Variants in PEX3 observed in about 807,000 individuals in gnomAD.
PEX3 encodes peroxin-3.
Under a neutral mutation model 55.8 loss-of-function variants are expected in PEX3, and 30 were observed. That is an observed-to-expected ratio of 0.54 (90% CI 0.40 to 0.73). PEX3 has a LOEUF of 0.73. PEX3 is among the 30% of genes least tolerant of loss of function. The pLI is 0.00. For missense variants in PEX3, 351 were observed against 432.8 expected (o/e 0.81, Z 1.68); for synonymous variants, 135 against 148.4 (o/e 0.91, Z 0.66).
chr6:143,470,686 A>G (rs534948507), intron 4 of PEX3, among the ~76,000 whole-genome samples: 2 of 152,244 alleles, frequency 1.3e-5, no homozygotes, highest in South Asian at 4.2e-4. Flanking sequence ...TGCTTCCCAG[A>G]CTTTTCCTTG....
rs1375991788 is a variant in PEX3, at chr6:143,464,788, A to G, written c.287+1791A>G. Among the ~76,000 whole-genome samples, 2 of 151,936 alleles carry G rather than the reference A, an allele frequency of 1.3e-5. No individual in the cohort carries two copies. Among genetic ancestry groups the G allele is most frequent in the Non-Finnish European group, 2.9e-5 (2 of 67,834 alleles). On this transcript the variant is annotated intron_variant, in intron 3 of 11. Coordinates refer to ENST00000367591, the MANE Select transcript of PEX3 (RefSeq NM_003630.3). This position sits in a 1 kb window ranked among gnomAD's most constrained non-coding sequence, Gnocchi z 5.8. ...GATCCCTTACAAAGTATCATTAAAT[A>G]AGGCCTCCAATCTTATGACTGCTTT...
chr6:143,469,572 G>A (rs890208167), intron 4 of PEX3, among the ~76,000 whole-genome samples: 1 of 152,154 alleles, frequency 6.6e-6, no homozygotes, highest in Non-Finnish European at 1.5e-5. Context: ...GATTCTGGAT[G>A]ATAGCCCTTT....
Position 143,459,959 on chromosome 6 carries a change from A to C in PEX3, c.205+743A>C, listed in dbSNP as rs983580507. ...CATAGTCCTGGGAGAATGCCATCAC[A>C]AAATCAACCTGCCCATATTTGAAGA... On this transcript the variant is annotated intron_variant, in intron 2 of 11. Coordinates refer to ENST00000367591, the MANE Select transcript of PEX3 (RefSeq NM_003630.3). This position sits in a 1 kb window ranked among gnomAD's most constrained non-coding sequence, Gnocchi z 4.2. 6.6e-6 allele frequency among the ~76,000 whole-genome samples: 1 copy of C among 152,228 alleles called. No individual in the cohort carries two copies. Among genetic ancestry groups the C allele is most frequent in the Non-Finnish European group, 1.5e-5 (1 of 68,032 alleles).
chr6:143,475,144 A>G lies in PEX3; in HGVS notation c.818+288A>G, dbSNP rs1159741967. On this transcript the variant is annotated intron_variant, in intron 9 of 11. Coordinates refer to ENST00000367591, the MANE Select transcript of PEX3 (RefSeq NM_003630.3). The surrounding 1 kb of genome is among the most constrained non-coding windows in gnomAD (Gnocchi z 4.4). ...TTTTTGTTATTCAGATTTCCACCTC[A>G]TCATTTCATGAAGCTCTGGAGAAGG... Among the ~76,000 whole-genome samples, 5 of 152,032 alleles carry G rather than the reference A, an allele frequency of 3.3e-5. No individual in the cohort carries two copies. The highest frequency in any genetic ancestry group is 5.9e-5 in the Non-Finnish European group (4 of 68,016).
In PEX3 at chr6:143,490,599, C is replaced by T. The variant is rs1780372299; in HGVS notation, c.*1373C>T. The T allele has an allele frequency of 1.8e-6, 2 of 1,082,560 alleles. No homozygotes were observed. The highest frequency in any genetic ancestry group is 1.6e-5 in the African/African-American group (1 of 61,422). 67.1% of individuals were successfully genotyped at this position (1,082,560 alleles called of 1,614,324 possible). On this transcript the variant is annotated 3_prime_UTR_variant, in exon 12 of 12. Coordinates refer to ENST00000367591, the MANE Select transcript of PEX3 (RefSeq NM_003630.3). This position sits in a 1 kb window ranked among gnomAD's most constrained non-coding sequence, Gnocchi z 6.0. ...GGGATATGGATTTGGCTTAATAAAA[C>T]CTGATTTGAAAACAAAATCTGAGAA...
At position 143,466,433 on chromosome 6, in the gene PEX3, T is replaced by A. The variant is rs1040956112; in HGVS notation, c.288-1689T>A. ...CTTTGTTTTTAAGGAACCTTTATTT[T>A]ACTTAATAATGGCCCCAAAGTGCCA... On this transcript the variant is annotated intron_variant, in intron 3 of 11. Transcript: ENST00000367591. The surrounding 1 kb of genome is among the most constrained non-coding windows in gnomAD (Gnocchi z 5.4). Among the ~76,000 whole-genome samples, 1 of 152,108 alleles carries A rather than the reference T, an allele frequency of 6.6e-6. No homozygotes were observed. The highest frequency in any genetic ancestry group is 2.4e-5 in the African/African-American group (1 of 41,432).
At chr6:143,468,010 G>A (rs1780014245) in intron 3 of PEX3, 112 bp from the exon 4 acceptor site, 10 of 641,046 alleles carry the variant, frequency 1.6e-5, no homozygotes, top group Non-Finnish European at 2.7e-5. Flanking sequence ...CTGCAGTTAT[G>A]CTGTGTTGCT....
intron 9 of PEX3, among the ~76,000 whole-genome samples, chr6:143,478,356 T>C (rs956202984): frequency 1.3e-5 from 2 of 152,122 alleles, no homozygotes; most frequent in Non-Finnish European, 2.9e-5. Flanking sequence ...TTACTCAAAA[T>C]CATTGACTTG....
intron 9 of PEX3, among the ~76,000 whole-genome samples, chr6:143,478,099 G>A (rs944327624): frequency 1.1e-4 from 16 of 152,098 alleles, no homozygotes; most frequent in African/African-American, 3.9e-4. Context: ...AAAAAGGGGA[G>A]CAAACCACTG....
chr6:143,477,031 T>A (rs904371023), intron 9 of PEX3, among the ~76,000 whole-genome samples: 1 of 152,270 alleles, frequency 6.6e-6, no homozygotes, highest in South Asian at 2.1e-4. Context: ...GAGACTGTGA[T>A]TGATTGGGTC....
Position 143,477,645 on chromosome 6 carries a change from C to T in PEX3, c.819-1431C>T, listed in dbSNP as rs534349201. On this transcript the variant is annotated intron_variant, in intron 9 of 11. Coordinates refer to ENST00000367591, the MANE Select transcript of PEX3 (RefSeq NM_003630.3). The stretch of plus-strand genomic sequence containing the variant: ...AAGCAAGCTCACCTATTTCTCATTT[C>T]TTTCATTGGCCTAAATGAATTCAAT... Among the ~76,000 whole-genome samples, 14 of 152,140 alleles carry T rather than the reference C, an allele frequency of 9.2e-5. No individual in the cohort carries two copies. The South Asian group carries it at 2.9e-3, about 32-fold the overall frequency.
At chr6:143,461,541 A>T (rs1562651865) in intron 2 of PEX3, among the ~76,000 whole-genome samples, 1 of 152,102 alleles carries the variant, frequency 6.6e-6, no homozygotes, top group East Asian at 1.9e-4. Flanking sequence ...AAATAATATC[A>T]AATTTCTATT....
rs1780370710 is a variant in PEX3, at chr6:143,490,455, G to A, written c.*1229G>A. Reference sequence around the variant, plus strand: ...TAGAATGTTTTTAAAAATAGGTAGTGGAGCCATAGCCCTCACCATAGACAC... The same window carrying A: ...TAGAATGTTTTTAAAAATAGGTAGTAGAGCCATAGCCCTCACCATAGACAC... On this transcript the variant is annotated 3_prime_UTR_variant, in exon 12 of 12. Coordinates refer to ENST00000367591, the MANE Select transcript of PEX3 (RefSeq NM_003630.3). The surrounding 1 kb of genome is among the most constrained non-coding windows in gnomAD (Gnocchi z 6.0). The A allele has an allele frequency of 4.9e-6, 1 of 202,406 alleles. No homozygotes were observed. The highest frequency in any genetic ancestry group is 2.4e-5 in the African/African-American group (1 of 41,954). 12.5% of individuals were successfully genotyped at this position (202,406 alleles called of 1,614,324 possible).
At chr6:143,457,198 T>G (rs1429844898) in intron 1 of PEX3, among the ~76,000 whole-genome samples, 1 of 152,212 alleles carries the variant, frequency 6.6e-6, no homozygotes, top group Non-Finnish European at 1.5e-5. Context: ...AAACAATTCC[T>G]TCAGATCTAT....
chr6:143,477,726 C>G (rs1780173628), intron 9 of PEX3, among the ~76,000 whole-genome samples: 1 of 152,114 alleles, frequency 6.6e-6, no homozygotes, highest in Non-Finnish European at 1.5e-5. Flanking sequence ...AAGCACTGTT[C>G]TATACTGCTT....
In PEX3 at chr6:143,455,794, G is replaced by A. The variant is rs578038248; in HGVS notation, c.74-3291G>A. 3.3e-5 allele frequency among the ~76,000 whole-genome samples: 5 copies of A among 152,334 alleles called. No individual in the cohort carries two copies. The East Asian group carries it at 7.7e-4, about 24-fold the overall frequency. On this transcript the variant is annotated intron_variant, in intron 1 of 11. Coordinates refer to ENST00000367591, the MANE Select transcript of PEX3 (RefSeq NM_003630.3). ...GAGTCTAAGTGGTGACAGTGATAAA[G>A]AAGTTGTAGATAATTGGCAAGATTT...
rs142464981 is a variant in PEX3 at position 143,485,111 on chromosome 6, G to T, written c.942-41G>T. The T allele has an allele frequency of 6.9e-6, 7 of 1,016,000 alleles. No individual in the cohort carries two copies. In the Middle Eastern group the frequency reaches 6.1e-4, roughly 88 times the overall value. 62.9% of individuals were successfully genotyped at this position (1,016,000 alleles called of 1,614,324 possible). A position where few individuals can be genotyped will look rare whatever the true frequency, so the allele number is the denominator to read the frequency against. ...TAATTAAGATGTTAAAGTCCTGTGG[G>T]GTCATTTCAGAAAATAATCATTACT... On this transcript the variant is annotated intron_variant, in intron 10 of 11. Transcript: ENST00000367591. This position sits in a 1 kb window ranked among gnomAD's most constrained non-coding sequence, Gnocchi z 5.6.
intron 2 of PEX3, among the ~76,000 whole-genome samples, chr6:143,461,607 G>A (rs768897699): frequency 6.6e-6 from 1 of 151,738 alleles, no homozygotes; most frequent in Non-Finnish European, 1.5e-5. Context: ...GTGCTTTGGG[G>A]TAAATATAAG....
chr6:143,470,575 G>A (rs1356175776), intron 4 of PEX3, among the ~76,000 whole-genome samples: 3 of 152,076 alleles, frequency 2.0e-5, no homozygotes, highest in South Asian at 2.1e-4. Flanking sequence ...CATCCTCCTC[G>A]GGCTGCCATT....
Sources: gnomAD v4.1 joint callset for allele counts (sites outside exome capture counted in the v4.1 genomes callset) on GRCh38, gnomAD v4.1.1 for gene constraint, Gnocchi (gnomAD v3.1) non-coding constraint, MANE v1.5 for transcripts, NCBI Gene and HGNC (gene_info 2026-07-23, HGNC 2026-07-21) for gene names.